Variants in TPP2 observed in about 807,000 individuals in gnomAD.
The protein encoded by TPP2 is tripeptidyl-peptidase 2.
Under a neutral mutation model 155.9 loss-of-function variants are expected in TPP2, and 34 were observed. The ratio of observed to expected loss-of-function variants is 0.22; its 90% CI spans 0.17 to 0.29. TPP2 has a LOEUF of 0.29. TPP2 is among the 10% of genes least tolerant of loss of function. The pLI, the probability that TPP2 is intolerant of heterozygous loss-of-function variation, is 1.00. For missense variants in TPP2, 1,028 were observed against 1,522.3 expected (o/e 0.68, Z 5.40); for synonymous variants, 510 against 529.4 (o/e 0.96, Z 0.50).
intron 28 of TPP2, among the ~76,000 whole-genome samples, chr13:102,675,097 T>C (rs1457776969): frequency 6.6e-6 from 1 of 152,218 alleles, no homozygotes; most frequent in Non-Finnish European, 1.5e-5. Context: ...GGAAATAAAA[T>C]AAAGTAAATG....
chr13:102,633,845 G>A (rs1882188326), intron 10 of TPP2, 105 bp from the exon 11 acceptor site: 4 of 1,490,990 alleles, frequency 2.7e-6, no homozygotes, highest in Non-Finnish European at 2.7e-6. Context: ...AGTGCAGTTA[G>A]TACATAGTGT....
chr13:102,659,704 G>T (rs1256986770), intron 25 of TPP2, among the ~76,000 whole-genome samples: 3 of 152,162 alleles, frequency 2.0e-5, no homozygotes, highest in African/African-American at 7.2e-5. Flanking sequence ...AGTACTAAAA[G>T]AAGTTATTCA....
At position 102,597,023 on chromosome 13, in the gene TPP2, C is replaced by T. The variant is rs763296341; in HGVS notation, c.-16C>T. ...GCCTGGCAGTTTGCCGCTTCCTCGT[C>T]CTCCATCCTGCGTCCATGGCCACCG... is the stretch of plus-strand genomic sequence containing the variant. On this transcript the variant is annotated 5_prime_UTR_variant, in exon 1 of 30. Coordinates refer to ENST00000376052, the MANE Select transcript of TPP2 (RefSeq NM_001330588.2). 19 of 1,610,578 alleles carry T rather than the reference C, an allele frequency of 1.2e-5. No individual in the cohort carries two copies. The highest frequency in any genetic ancestry group is 1.5e-5 in the Non-Finnish European group (18 of 1,179,012).
rs1263694154 is a variant in TPP2 at position 102,638,261 on chromosome 13, C to T, written c.1859C>T (p.Ser620Phe). The change falls in exon 15 of 30, where the codon TCC becomes TTC. Residue 620 changes from serine (S) to phenylalanine (F), a missense_variant. Around this residue, in one of 7 missense-constraint regions of TPP2, gnomAD observed 325 missense variants for 463.7 expected, o/e 0.70. Transcript: ENST00000376052. ...AAGGTATGTGGCTATGATATAGCAT[C>T]CCCTAACGCAGGTCCGCTCTTCAGA... ...YTEVCGYDIA[S>F]PNAGPLFRVP... The T allele has an allele frequency of 5.6e-6, 9 of 1,612,608 alleles. No individual in the cohort carries two copies. The highest frequency in any genetic ancestry group is 7.6e-6 in the Non-Finnish European group (9 of 1,179,924).
intron 4 of TPP2, among the ~76,000 whole-genome samples, 193 bp from the exon 5 acceptor site, chr13:102,618,529 A>C (rs929080400): frequency 2.4e-4 from 37 of 152,244 alleles, no homozygotes; most frequent in African/African-American, 8.7e-4. Flanking sequence ...ATCTTTATTA[A>C]TTAGATCTGT....
chr13:102,623,470 G>A (rs1183886547), intron 6 of TPP2, among the ~76,000 whole-genome samples: 1 of 152,210 alleles, frequency 6.6e-6, no homozygotes, highest in Non-Finnish European at 1.5e-5. Context: ...GGCTGAGGCA[G>A]GAGAATCGTT....
chr13:102,638,146 T>C, intron 14 of TPP2, 93 bp from the exon 15 acceptor site: 1 of 1,202,568 alleles, frequency 8.3e-7, no homozygotes, highest in East Asian at 2.4e-5. Flanking sequence ...TGATTAAAAG[T>C]AGATTGATTT....
intron 2 of TPP2, among the ~76,000 whole-genome samples, chr13:102,605,143 T>G (rs961649775): frequency 7.4e-6 from 1 of 135,224 alleles, no homozygotes; most frequent in African/African-American, 2.9e-5. Context: ...GCCCTGGAGG[T>G]TGCAAATGGT....
At chr13:102,601,526 C>A (rs992849774) in intron 1 of TPP2, among the ~76,000 whole-genome samples, 1 of 152,316 alleles carries the variant, frequency 6.6e-6, no homozygotes, top group African/African-American at 2.4e-5. Context: ...TGGGCAATTT[C>A]TGTTTCATCC....
At chr13:102,650,974 A>G (rs1052452146) in intron 23 of TPP2, among the ~76,000 whole-genome samples, 11 of 152,092 alleles carry the variant, frequency 7.2e-5, no homozygotes, top group African/African-American at 2.4e-4. Context: ...CTTCACTTTG[A>G]CTTTCACAGT....
chr13:102,630,589 G>T (rs77596120), intron 10 of TPP2, among the ~76,000 whole-genome samples: 1 of 152,028 alleles, frequency 6.6e-6, no homozygotes, highest in African/African-American at 2.4e-5. Context: ...TAGGGCCCAC[G>T]TACCTGTGGC....
At chr13:102,649,521 A>G (rs753892340) in intron 23 of TPP2, 35 bp downstream of exon 23, 70 of 1,544,174 alleles carry the variant, frequency 4.5e-5, no homozygotes, top group Non-Finnish European at 6.2e-5. Context: ...GAAATTACCT[A>G]TTAAAAAATT....
chr13:102,644,336 G>A (rs1275333129), intron 17 of TPP2, among the ~76,000 whole-genome samples: 4 of 152,156 alleles, frequency 2.6e-5, no homozygotes, highest in African/African-American at 7.2e-5. Flanking sequence ...ATGACAAGAA[G>A]CATAGGGTTA....
chr13:102,648,428 A>ATGTGTGTG (rs1566355694), intron 21 of TPP2, among the ~76,000 whole-genome samples: 1 of 103,830 alleles, frequency 9.6e-6, no homozygotes, highest in Non-Finnish European at 2.0e-5. Context: ...CATAAGTTAC[A>ATGTGTGTG]CGTGTGTGTG....
intron 27 of TPP2, chr13:102,667,673 G>A: frequency 2.4e-6 from 2 of 830,918 alleles, no homozygotes; most frequent in South Asian, 1.1e-4. Flanking sequence ...TAGATTACGT[G>A]ATAAGAGGAT....
chr13:102,642,973 A>G (rs1266691760), intron 16 of TPP2, among the ~76,000 whole-genome samples: 1 of 152,174 alleles, frequency 6.6e-6, no homozygotes, highest in Non-Finnish European at 1.5e-5. Context: ...TTGCAGCCTC[A>G]TGGTGGTGGT....
chr13:102,656,854 A>G (rs1412410544), intron 24 of TPP2: 2 of 393,520 alleles, frequency 5.1e-6, no homozygotes, highest in Non-Finnish European at 9.1e-6. Flanking sequence ...TATTTGAAGT[A>G]TCAGTACTCA....
chr13:102,643,127 T>G, intron 16 of TPP2, 95 bp from the exon 17 acceptor site: 1 of 1,175,496 alleles, frequency 8.5e-7, no homozygotes, highest in Non-Finnish European at 1.1e-6. Flanking sequence ...TGTCCCTACA[T>G]GGGAATTATC....
chr13:102,614,807 G>A (rs750624094), intron 3 of TPP2, among the ~76,000 whole-genome samples: 2 of 152,204 alleles, frequency 1.3e-5, no homozygotes, highest in African/African-American at 2.4e-5. Flanking sequence ...TTCAGTTTCT[G>A]CTCTAACCAT....
Sources: allele counts gnomAD v4.1 joint callset (sites outside exome capture counted in the v4.1 genomes callset), GRCh38; gene constraint gnomAD v4.1.1; regional missense constraint gnomAD v4.1.1; transcripts MANE v1.5; gene names NCBI Gene and HGNC (gene_info 2026-07-23, HGNC 2026-07-21).